The following GINM1 variants were observed in gnomAD, a reference collection of about 807,000 sequenced individuals.
GINM1 encodes glycoprotein integral membrane protein 1.
In GINM1, 29 loss-of-function variants were observed where a neutral mutation model predicts 37.8. That is an observed-to-expected ratio of 0.77 (90% confidence interval 0.57 to 1.05). The LOEUF is 1.05. Ranked by LOEUF, GINM1 falls within the 50% of genes least tolerant of loss-of-function variation. The pLI is 0.00. For missense variants in GINM1, 377 were observed against 397.9 expected (o/e 0.95, Z 0.45); for synonymous variants, 143 against 146.2 (o/e 0.98, Z 0.16).
chr6:149,580,772 G>A (rs752185831), intron 6 of GINM1, 49 bp downstream of exon 6: 3 of 1,418,442 alleles, frequency 2.1e-6, no homozygotes, highest in Non-Finnish European at 2.9e-6. Context: ...TTAAGATGAA[G>A]AAAATCGACC....
At chr6:149,574,894 A>G (rs906239166) in intron 3 of GINM1, among the ~76,000 whole-genome samples, 2 of 152,194 alleles carry the variant, frequency 1.3e-5, no homozygotes, top group African/African-American at 4.8e-5. Flanking sequence ...AAATAAAAAT[A>G]AATAAATTTG....
At position 149,574,260 on chromosome 6, in the gene GINM1, A is replaced by G. The variant is rs573314674; in HGVS notation, c.277+1657A>G. Among the ~76,000 whole-genome samples the G allele has an allele frequency of 3.3e-5, 5 of 152,042 alleles. No individual in the cohort carries two copies. The East Asian group carries it at 7.7e-4, about 24-fold the overall frequency. ...GAGATGGGGTTTCACCATATTGGTC[A>G]AGGCCGGTCTCGAACTCCTGACCTC... On this transcript the variant is annotated intron_variant, in intron 3 of 7. Coordinates refer to ENST00000367419, the MANE Select transcript of GINM1 (RefSeq NM_138785.5).
chr6:149,574,198 C>T (rs886919148), intron 3 of GINM1, among the ~76,000 whole-genome samples: 2 of 151,814 alleles, frequency 1.3e-5, no homozygotes, highest in Middle Eastern at 3.4e-3. Flanking sequence ...TTACAGGTGC[C>T]CGCCACCATG....
In GINM1 at chr6:149,582,931, C is replaced by T. The variant is rs1003379347; in HGVS notation, c.881+328C>T. Among the ~76,000 whole-genome samples, 9 of 151,894 alleles carry T rather than the reference C, an allele frequency of 5.9e-5. No homozygotes were observed. The East Asian group carries it at 1.4e-3, about 23-fold the overall frequency. On this transcript the variant is annotated intron_variant, in intron 7 of 7. Coordinates refer to ENST00000367419, the MANE Select transcript of GINM1 (RefSeq NM_138785.5). ...CTGTATGATCAGAGGTGAACAAAAC[C>T]CGAGGACTTCATGATGTATTTTCAA... is the stretch of plus-strand genomic sequence containing the variant.
intron 7 of GINM1, among the ~76,000 whole-genome samples, chr6:149,590,223 ATC>A (rs2115064816): frequency 6.6e-6 from 1 of 152,312 alleles, no homozygotes; most frequent in East Asian, 1.9e-4. Context: ...GAACTTTAGA[ATC>A]TGTTTGGTTC....
At chr6:149,580,467 T>C in intron 5 of GINM1, 126 bp from the exon 6 acceptor site, 1 of 745,726 alleles carries the variant, frequency 1.3e-6, no homozygotes, top group East Asian at 2.7e-5. Flanking sequence ...CATTCAGATG[T>C]GTTAATTTTT....
chr6:149,575,457 C>G (rs1004696172), intron 3 of GINM1, among the ~76,000 whole-genome samples: 1 of 152,216 alleles, frequency 6.6e-6, no homozygotes, highest in Non-Finnish European at 1.5e-5. Flanking sequence ...CTTTGTCGAG[C>G]TTTTTTGCCT....
chr6:149,582,243 CATT>C, intron 6 of GINM1, 194 bp from the exon 7 acceptor site: 1 of 607,446 alleles, frequency 1.6e-6, no homozygotes, highest in Non-Finnish European at 3.0e-6. Flanking sequence ...TAAGTAACTT[CATT>C]GAGGTACATT....
chr6:149,570,136 TTATATATATATATATATA>T (rs549791771), intron 1 of GINM1, among the ~76,000 whole-genome samples: 724 of 45,726 alleles, frequency 0.016, 15 homozygotes, highest in South Asian at 0.021. Context: ...TAGGTAGGTT[TTATATATATATATATATA>T]TATATATATA....
intron 5 of GINM1, among the ~76,000 whole-genome samples, 167 bp downstream of exon 5, chr6:149,580,157 A>G (rs182173484): frequency 1.2e-4 from 19 of 152,350 alleles, no homozygotes; most frequent in African/African-American, 4.3e-4. Context: ...ATGCTTCATA[A>G]CATGTATTGC....
At chr6:149,579,783 T>C in intron 4 of GINM1, 51 bp from the exon 5 acceptor site, 1 of 1,179,048 alleles carries the variant, frequency 8.5e-7, no homozygotes, top group Non-Finnish European at 1.2e-6. Context: ...TAAATTTTTA[T>C]GGGGCTGTGC....
rs2040433091 is a variant in GINM1 at position 149,582,455 on chromosome 6, A to C, written c.733A>C (p.Met245Leu). The change falls in exon 7 of 8, where the codon ATG (methionine) becomes CTG (leucine). Residue 245 changes from methionine to leucine, a missense_variant. Physicochemically the swap from Met to Leu is conservative, Grantham distance 15 (BLOSUM62 2). Transcript: ENST00000367419. ...CCTTTTTCAGGTAATGTGTCAGTGG[A>C]TGGAAAAGTTTAGAAAAGATCTGTG... ...PSSYKVMCQW[M>L]EKFRKDLCRF... is the part of the protein sequence containing the mutation. 6.2e-7 allele frequency: 1 copy of C among 1,605,486 alleles called. No homozygotes were observed. Among genetic ancestry groups the C allele is most frequent in the Non-Finnish European group, 8.5e-7 (1 of 1,178,258 alleles).
intron 1 of GINM1, among the ~76,000 whole-genome samples, chr6:149,571,548 TAGAG>T (rs532002308): frequency 1.3e-5 from 2 of 151,968 alleles, no homozygotes; most frequent in African/African-American, 4.8e-5. Context: ...ACATATTGTT[TAGAG>T]AGAGAGACAC....
intron 1 of GINM1, among the ~76,000 whole-genome samples, chr6:149,569,615 G>C (rs1360843879): frequency 1.3e-5 from 2 of 152,294 alleles, no homozygotes; most frequent in African/African-American, 2.4e-5. Context: ...TAGGATTACA[G>C]GCATGAGCCA....
At position 149,579,813 on chromosome 6, in the gene GINM1, T is replaced by G. The variant is rs748502382; in HGVS notation, c.430-21T>G. The G allele has an allele frequency of 2.0e-6, 3 of 1,477,678 alleles. No homozygotes were observed. The African/African-American group carries it at 4.3e-5, about 21-fold the overall frequency. The allele number at this position is 1,477,678 out of a possible 1,614,324, so 91.5% of individuals were successfully genotyped here. The stretch of plus-strand genomic sequence containing the variant: ...CTGTGCTACTATTTAAAATAAAGAA[T>G]AATTATATTTTCTTTCACAGGTTCA... On this transcript the variant is annotated intron_variant, in intron 4 of 7. Transcript: ENST00000367419.
At chr6:149,590,013 G>C (rs888726254) in intron 7 of GINM1, among the ~76,000 whole-genome samples, 8 of 152,086 alleles carry the variant, frequency 5.3e-5, no homozygotes, top group African/African-American at 1.9e-4. Flanking sequence ...ATGTTTCCCA[G>C]GCTGATCTTG....
chr6:149,585,566 A>G (rs1778057431), intron 7 of GINM1, among the ~76,000 whole-genome samples: 1 of 152,022 alleles, frequency 6.6e-6, no homozygotes, highest in Admixed American at 6.6e-5. Flanking sequence ...CCAAAAGACA[A>G]ATATAAAGAT....
chr6:149,572,037 C>A (rs150050934), intron 1 of GINM1, among the ~76,000 whole-genome samples: 1 of 151,610 alleles, frequency 6.6e-6, no homozygotes, highest in Non-Finnish European at 1.5e-5. Flanking sequence ...GCCCAGATTG[C>A]GGTACTGCAC....
rs748720822 is a variant in GINM1, at chr6:149,579,980, C to G, written c.576C>G (p.Leu192=). ...DSDILFTLPN[L]SKKESVSSLQ... is the part of the protein sequence containing the mutation. ...ACATTTTATTTACCCTTCCTAACCT[C>G]TCCAAAAAAGGTAACTTAAAAGACC... The change falls in exon 5 of 8, where the codon CTC becomes CTG. Residue 192 remains leucine, a synonymous_variant. Transcript: ENST00000367419. The G allele has an allele frequency of 6.3e-7, 1 of 1,575,798 alleles. No individual in the cohort carries two copies. Among genetic ancestry groups the G allele is most frequent in the African/African-American group, 1.4e-5 (1 of 72,806 alleles).
Sources: gnomAD v4.1 joint callset for allele counts (sites outside exome capture counted in the v4.1 genomes callset) on GRCh38, gnomAD v4.1.1 for gene constraint, MANE v1.5 for transcripts, NCBI Gene and HGNC (gene_info 2026-07-23, HGNC 2026-07-21) for gene names.